The following SEM1 variants were observed in gnomAD, a reference collection of about 807,000 sequenced individuals.
SEM1 encodes 26S proteasome complex subunit SEM1.
A neutral mutation model predicts 12.7 loss-of-function variants in SEM1; 3 were observed. The ratio of observed to expected loss-of-function variants is 0.24; its 90% CI spans 0.11 to 0.61. The LOEUF (loss-of-function observed/expected upper bound fraction) is 0.61. Among genes scored for constraint, SEM1 ranks in the 20% least tolerant of loss-of-function variants. The pLI is 0.88. For missense variants in SEM1, 59 were observed against 81.3 expected (o/e 0.73, Z 1.06); for synonymous variants, 30 against 27.8 (o/e 1.08, Z -0.25).
At chr7:96,571,903 C>A (rs900708585) in intron 2 of SEM1, among the ~76,000 whole-genome samples, 3 of 151,932 alleles carry the variant, frequency 2.0e-5, no homozygotes, top group African/African-American at 7.3e-5. Context: ...GGCTGTGAAT[C>A]CGTCTGGTCC....
intron 2 of SEM1, among the ~76,000 whole-genome samples, chr7:96,662,732 G>A (rs147268775): frequency 1.3e-5 from 2 of 152,246 alleles, no homozygotes; most frequent in East Asian, 1.9e-4. Context: ...ATGGTGTTTG[G>A]ACAACTGGTG....
intron 2 of SEM1, among the ~76,000 whole-genome samples, chr7:96,534,029 A>G (rs1054160956): frequency 2.0e-5 from 3 of 152,080 alleles, no homozygotes; most frequent in African/African-American, 7.2e-5. Flanking sequence ...TGCTTACTCA[A>G]GTACAATATA....
chr7:96,654,943 T>C (rs1248257057), intron 2 of SEM1, among the ~76,000 whole-genome samples: 1 of 152,142 alleles, frequency 6.6e-6, no homozygotes, highest in Non-Finnish European at 1.5e-5. Flanking sequence ...GTGTTCATTA[T>C]TGTGAAGCAC....
intron 2 of SEM1, chr7:96,649,957 T>G (rs1808919421): frequency 6.6e-6 from 1 of 152,286 alleles, no homozygotes; most frequent in South Asian, 2.1e-4. Flanking sequence ...ACTCTCCATC[T>G]GATCCATCAT....
exon 4 of SEM1, chr7:96,481,945 C>T (rs897875209): frequency 1.3e-5 from 2 of 152,108 alleles, no homozygotes; most frequent in Non-Finnish European, 2.9e-5. Flanking sequence ...AATTGAGTAG[C>T]ATGGGAACCA....
chr7:96,609,250 T>C (rs767004051), intron 2 of SEM1, among the ~76,000 whole-genome samples: 3 of 152,204 alleles, frequency 2.0e-5, no homozygotes, highest in East Asian at 3.9e-4. Flanking sequence ...AATCCAGTGA[T>C]GCAAACATTA....
rs1805088450 is a variant in SEM1 at position 96,545,853 on chromosome 7, G to T, written c.171-39155C>A. Among the ~76,000 whole-genome samples, 2 of 151,974 alleles carry T rather than the reference G, an allele frequency of 1.3e-5. 1 individual carries two copies. The highest frequency in any genetic ancestry group is 1.3e-4 in the Admixed American group (2 of 15,232). ...ATAGATATAGCTGAAAAAAGATTTG[G>T]ATCCAAATTGTCTAGCTTACATTCC... On this transcript the variant is annotated intron_variant and NMD_transcript_variant, in intron 2 of 3. Coordinates refer to the SEM1 transcript ENST00000466986.
chr7:96,509,442 A>T (rs1367865890), intron 2 of SEM1, among the ~76,000 whole-genome samples: 7 of 152,166 alleles, frequency 4.6e-5, no homozygotes, highest in Non-Finnish European at 1.5e-5. Context: ...AGAATTAGTT[A>T]TTTGATGTAT....
chr7:96,497,365 C>A (rs1803331920), upstream of SEM1, among the ~76,000 whole-genome samples: 1 of 152,024 alleles, frequency 6.6e-6, no homozygotes, highest in Non-Finnish European at 1.5e-5. Flanking sequence ...TAACTTGTGG[C>A]TTTTCATAAA....
chr7:96,667,870 TCTC>T (rs1789212102), intron 2 of SEM1, among the ~76,000 whole-genome samples: 1 of 152,198 alleles, frequency 6.6e-6, no homozygotes, highest in South Asian at 2.1e-4. Flanking sequence ...AAATTTCCCA[TCTC>T]CTCTTCCTGT....
chr7:96,510,669 C>A (rs1188627352), intron 2 of SEM1, among the ~76,000 whole-genome samples: 1 of 152,032 alleles, frequency 6.6e-6, no homozygotes, highest in East Asian at 1.9e-4. Flanking sequence ...ATCTGGATTA[C>A]CACATAGCAT....
chr7:96,631,929 T>C (rs1808274505), intron 2 of SEM1, among the ~76,000 whole-genome samples: 1 of 152,220 alleles, frequency 6.6e-6, no homozygotes, highest in Non-Finnish European at 1.5e-5. Context: ...AAGACATTTA[T>C]ACAGCCAACG....
At chr7:96,633,251 A>G (rs1377381028) in intron 2 of SEM1, among the ~76,000 whole-genome samples, 1 of 152,148 alleles carries the variant, frequency 6.6e-6, no homozygotes, top group Admixed American at 6.6e-5. Flanking sequence ...GGAAAAATAG[A>G]CATAGCTTAC....
downstream of SEM1, among the ~76,000 whole-genome samples, chr7:96,670,491 G>A (rs1000024680): frequency 4.6e-5 from 7 of 152,108 alleles, no homozygotes; most frequent in Admixed American, 2.0e-4. Context: ...GACAGATGGC[G>A]GAAAATAGAA....
chr7:96,536,307 T>C (rs1259449053), intron 2 of SEM1, among the ~76,000 whole-genome samples: 2 of 151,886 alleles, frequency 1.3e-5, no homozygotes, highest in Non-Finnish European at 2.9e-5. Flanking sequence ...TTATGATTTC[T>C]ATACTTTTAA....
intron 2 of SEM1, among the ~76,000 whole-genome samples, chr7:96,681,409 A>T (rs1033440483): frequency 1.3e-5 from 2 of 152,098 alleles, no homozygotes; most frequent in Non-Finnish European, 2.9e-5. Context: ...TAGTACTAAT[A>T]ATAGTAGTGG....
intron 2 of SEM1, among the ~76,000 whole-genome samples, chr7:96,662,637 A>C (rs10224024): frequency 6.6e-6 from 1 of 151,720 alleles, no homozygotes; most frequent in Non-Finnish European, 1.5e-5. Context: ...GTATATCTAC[A>C]TAACAAACCT....
chr7:96,565,101 C>T (rs1256041790), intron 2 of SEM1, among the ~76,000 whole-genome samples: 1 of 151,992 alleles, frequency 6.6e-6, no homozygotes, highest in Non-Finnish European at 1.5e-5. Flanking sequence ...ATCCAGGAAT[C>T]CTCATCAGAG....
At chr7:96,522,724 C>T (rs893945752) in intron 2 of SEM1, among the ~76,000 whole-genome samples, 1 of 50,046 alleles carries the variant, frequency 2.0e-5, no homozygotes, top group African/African-American at 6.5e-5. Context: ...CTAAAAATAC[C>T]CCCCCCCCAA....
Sources: gnomAD v4.1 joint callset for allele counts (sites outside exome capture counted in the v4.1 genomes callset) on GRCh38, gnomAD v4.1.1 for gene constraint, MANE v1.5 for transcripts, NCBI Gene and HGNC (gene_info 2026-07-23, HGNC 2026-07-21) for gene names.